CCND1: variants seen among roughly 807,000 people sequenced by gnomAD.
CCND1 encodes G1/S-specific cyclin-D1.
A neutral mutation model predicts 26.1 loss-of-function variants in CCND1; 9 were observed. The observed-to-expected ratio is 0.35, with a 90% confidence interval of 0.21 to 0.60. The LOEUF (loss-of-function observed/expected upper bound fraction) is 0.60, where lower values mean the gene tolerates loss of function less well. Among genes scored for constraint, CCND1 ranks in the 20% least tolerant of loss-of-function variants. The probability of loss-of-function intolerance (pLI) is 0.79; values close to 1 mark genes in which losing one functional copy is unlikely to be tolerated. For missense variants in CCND1, 335 were observed against 392.9 expected (o/e 0.85, Z 1.25); for synonymous variants, 194 against 166.1 (o/e 1.17, Z -1.29).
At position 69,653,004 on chromosome 11, in the gene CCND1, G is replaced by A. The variant is rs1321290060; in HGVS notation, c.*1722G>A. On this transcript the variant is annotated 3_prime_UTR_variant, in exon 5 of 5. Coordinates refer to ENST00000227507, the MANE Select transcript of CCND1 (RefSeq NM_053056.3). ...GGGTACTCAACCTAAGTTCGGTTCC[G>A]ATGAATTCTTATCCCCTGCCCCTTC... The A allele has an allele frequency of 2.8e-5, 12 of 430,094 alleles. No homozygotes were observed. Among genetic ancestry groups the A allele is most frequent in the East Asian group, 1.9e-4 (5 of 26,216 alleles). 26.6% of individuals were successfully genotyped at this position (430,094 alleles called of 1,614,324 possible).
intron 3 of CCND1, among the ~76,000 whole-genome samples, chr11:69,644,971 C>G (rs1855760415): frequency 6.6e-6 from 1 of 152,234 alleles, no homozygotes. Flanking sequence ...CCCCAGAGGG[C>G]AGAGCCCCCC....
Position 69,651,890 on chromosome 11 carries a change from T to G in CCND1, c.*608T>G. On this transcript the variant is annotated 3_prime_UTR_variant, in exon 5 of 5. Coordinates refer to ENST00000227507, the MANE Select transcript of CCND1 (RefSeq NM_053056.3). The stretch of plus-strand genomic sequence containing the variant: ...CACTTTATAAGTCATTGTATGTTAT[T>G]ATATTCCGTAGGTAGATGTGTAACC... The G allele has an allele frequency of 4.3e-6, 1 of 233,084 alleles. No individual in the cohort carries two copies. The highest frequency in any genetic ancestry group is 8.5e-6 in the Non-Finnish European group (1 of 117,920). The allele number at this position is 233,084 out of a possible 1,614,324, so 14.4% of individuals were successfully genotyped here.
chr11:69,643,267 C>T lies in CCND1; in HGVS notation c.414+21C>T, dbSNP rs376692814. On this transcript the variant is annotated intron_variant, in intron 2 of 4. Coordinates refer to ENST00000227507, the MANE Select transcript of CCND1 (RefSeq NM_053056.3). ...TGCTGGTAACCACTGGACCCCGCCG[C>T]CCCCCGCCCCCCGCGAGCCGCACGC... The T allele has an allele frequency of 1.7e-5, 26 of 1,518,918 alleles. 2 individuals are homozygous for T. The South Asian group carries it at 2.9e-4, about 17-fold the overall frequency. The allele number at this position is 1,518,918 out of a possible 1,614,324, so 94.1% of individuals were successfully genotyped here.
Position 69,641,446 on chromosome 11 carries a change from T to A in CCND1, c.133T>A (p.Phe45Ile). 6.2e-7 allele frequency: 1 copy of A among 1,613,460 alleles called. No individual in the cohort carries two copies. Among genetic ancestry groups the A allele is most frequent in the Non-Finnish European group, 8.5e-7 (1 of 1,180,026 alleles). The part of the protein sequence containing the change: ...EETCAPSVSY[F>I]KCVQKEVLPS... ...GACCTGCGCGCCCTCGGTGTCCTACTTCAAATGTGTGCAGAAGGAGGTCCT... is the reference window on the plus strand; with the variant it reads ...GACCTGCGCGCCCTCGGTGTCCTACATCAAATGTGTGCAGAAGGAGGTCCT... Residue 45 changes from phenylalanine (F) to isoleucine (I), a missense_variant, in exon 1 of 5, where the codon TTC (phenylalanine) becomes ATC (isoleucine). Physicochemically the swap from Phe to Ile is conservative, Grantham distance 21. Transcript: ENST00000227507.
intron 4 of CCND1, among the ~76,000 whole-genome samples, chr11:69,649,920 C>A (rs2120115585): frequency 6.6e-6 from 1 of 152,312 alleles, no homozygotes; most frequent in East Asian, 1.9e-4. Flanking sequence ...TACAGTGGGA[C>A]TGTTTGTGCA....
intron 3 of CCND1, among the ~76,000 whole-genome samples, chr11:69,646,498 C>G (rs1258699764): frequency 6.6e-6 from 1 of 152,182 alleles, no homozygotes; most frequent in Non-Finnish European, 1.5e-5. Flanking sequence ...CCCTTTGTGC[C>G]TGGGTCGGCT....
intron 3 of CCND1, 93 bp downstream of exon 3, chr11:69,644,084 TG>T (rs1313765343): frequency 5.5e-6 from 7 of 1,265,388 alleles, no homozygotes; most frequent in Non-Finnish European, 8.0e-6. Flanking sequence ...GGGTGCTGTC[TG>T]GGAAGATGTC....
chr11:69,642,533 G>C (rs1054337134), intron 1 of CCND1, among the ~76,000 whole-genome samples: 1 of 152,178 alleles, frequency 6.6e-6, no homozygotes, highest in African/African-American at 2.4e-5. Context: ...GTCATTTTCA[G>C]GGTTTTTTTA....
At chr11:69,644,912 G>T (rs1855759168) in intron 3 of CCND1, among the ~76,000 whole-genome samples, 1 of 152,186 alleles carries the variant, frequency 6.6e-6, no homozygotes, top group Non-Finnish European at 1.5e-5. Flanking sequence ...GGGTGACCTA[G>T]GCCACAAGGC....
intron 3 of CCND1, among the ~76,000 whole-genome samples, chr11:69,646,128 A>C (rs1278915821): frequency 6.6e-6 from 1 of 152,038 alleles, no homozygotes; most frequent in Non-Finnish European, 1.5e-5. Context: ...GCCCCTGGAG[A>C]CGGGGGGGTG....
chr11:69,643,782 C>G lies in CCND1; in HGVS notation c.415-50C>G, dbSNP rs1282115126. 3.2e-6 allele frequency: 5 copies of G among 1,562,078 alleles called. No individual in the cohort carries two copies. The South Asian group carries it at 6.0e-5, about 19-fold the overall frequency. On this transcript the variant is annotated intron_variant, in intron 2 of 4. Transcript: ENST00000227507. Reference sequence around the variant, plus strand: ...CCCGTGCTGCCGGCTTCCCCGCGCCCCCGGGCTGGCCCGCACCTCCCCTGA... The same window carrying G: ...CCCGTGCTGCCGGCTTCCCCGCGCCGCCGGGCTGGCCCGCACCTCCCCTGA...
chr11:69,643,186 C>A lies in CCND1; in HGVS notation c.354C>A (p.Pro118=). Residue 118 remains proline (P), a synonymous_variant, in exon 2 of 5, where the codon CCC becomes CCA. Coordinates refer to ENST00000227507, the MANE Select transcript of CCND1 (RefSeq NM_053056.3). The part of the protein sequence containing the change: ...FVASKMKETI[P]LTAEKLCIYT... ...CCTCTAAGATGAAGGAGACCATCCC[C>A]CTGACGGCCGAGAAGCTGTGCATCT... 1 of 1,606,856 alleles carries A rather than the reference C, an allele frequency of 6.2e-7. No individual in the cohort carries two copies. The highest frequency in any genetic ancestry group is 8.5e-7 in the Non-Finnish European group (1 of 1,177,010).
In CCND1 at chr11:69,651,792, C is replaced by T. The variant is rs1295114186; in HGVS notation, c.*510C>T. ...TTAGGTAGAAAAACATATTCTTGTG[C>T]TTTTCCTGATAAAGCACAGCTGTAG... On this transcript the variant is annotated 3_prime_UTR_variant, in exon 5 of 5. Transcript: ENST00000227507. 4.3e-6 allele frequency: 1 copy of T among 233,260 alleles called. No homozygotes were observed. Among genetic ancestry groups the T allele is most frequent in the Non-Finnish European group, 8.5e-6 (1 of 118,150 alleles). The allele number at this position is 233,260 out of a possible 1,614,324, so 14.4% of individuals were successfully genotyped here. A position where few individuals can be genotyped will look rare whatever the true frequency, so the allele number is the denominator to read the frequency against.
intron 3 of CCND1, among the ~76,000 whole-genome samples, chr11:69,644,937 A>G (rs1031559914): frequency 6.6e-6 from 1 of 152,220 alleles, no homozygotes; most frequent in African/African-American, 2.4e-5. Flanking sequence ...GGGGCATCAA[A>G]GAGGCAGTAG....
intron 3 of CCND1, among the ~76,000 whole-genome samples, chr11:69,645,008 C>T (rs185505716): frequency 1.0e-3 from 158 of 152,346 alleles, no homozygotes; most frequent in African/African-American, 3.4e-3. Flanking sequence ...TCCCTTCTGA[C>T]ACCGGTAGCC....
chr11:69,646,644 A>T (rs1855785567), intron 3 of CCND1, among the ~76,000 whole-genome samples: 1 of 152,058 alleles, frequency 6.6e-6, no homozygotes, highest in African/African-American at 2.4e-5. Flanking sequence ...TCCTGTGCAG[A>T]ATTCCTCGTG....
chr11:69,643,340 T>A, intron 2 of CCND1, 94 bp downstream of exon 2: 1 of 962,914 alleles, frequency 1.0e-6, no homozygotes, highest in African/African-American at 1.7e-5. Flanking sequence ...CCGGCCCGCC[T>A]CTGACATATC....
rs3918300 is a variant in CCND1, at chr11:69,648,580, CTTG to C, written c.723+444_723+446del. Among the ~76,000 whole-genome samples, 1,244 of 152,376 alleles carry C rather than the reference CTTG, an allele frequency of 8.2e-3. 21 individuals carry two copies. Among genetic ancestry groups the C allele is most frequent in the African/African-American group, 0.029 (1,189 of 41,586 alleles). ...CGGACAACGGGCGGATAGAGACAGC[CTTG>C]TTGTTTACGGCCTCTTTGAGAGGCT... On this transcript the variant is annotated intron_variant, in intron 4 of 4. Transcript: ENST00000227507.
intron 4 of CCND1, among the ~76,000 whole-genome samples, chr11:69,648,931 TC>T: frequency 6.6e-6 from 1 of 152,150 alleles, no homozygotes; most frequent in Middle Eastern, 3.4e-3. Flanking sequence ...CACCTGCCTG[TC>T]CCCTGCCTAG....
Sources: allele counts gnomAD v4.1 joint callset (sites outside exome capture counted in the v4.1 genomes callset), GRCh38; gene constraint gnomAD v4.1.1; transcripts MANE v1.5; gene names NCBI Gene and HGNC (gene_info 2026-07-23, HGNC 2026-07-21).